Variants in CPNE8 observed in about 807,000 individuals in gnomAD.
CPNE8 encodes copine-8.
Under a neutral mutation model 81.5 loss-of-function variants are expected in CPNE8, and 45 were observed. That is an observed-to-expected ratio of 0.55 (90% CI 0.44 to 0.71). CPNE8 has a LOEUF of 0.71. Among genes scored for constraint, CPNE8 ranks in the 30% least tolerant of loss-of-function variants. CPNE8 has a pLI of 0.00. For synonymous variants in CPNE8, 252 were observed against 226.3 expected (o/e 1.11, Z -1.02); for missense variants, 594 against 672.1 (o/e 0.88, Z 1.28).
At chr12:38,797,150 T>A (rs576465644) in intron 6 of CPNE8, among the ~76,000 whole-genome samples, 283 of 152,256 alleles carry the variant, frequency 1.9e-3, no homozygotes, top group Non-Finnish European at 2.9e-3. Context: ...AGCAGTAACC[T>A]CTGCAGACGT....
chr12:38,787,184 C>A (rs1942213119), intron 6 of CPNE8, among the ~76,000 whole-genome samples: 1 of 151,984 alleles, frequency 6.6e-6, no homozygotes, highest in Non-Finnish European at 1.5e-5. Context: ...GGATCATTCT[C>A]AAGGATGGAC....
chr12:38,881,259 C>T (rs1023892894), intron 1 of CPNE8, among the ~76,000 whole-genome samples: 1 of 151,510 alleles, frequency 6.6e-6, no homozygotes, highest in Non-Finnish European at 1.5e-5. Context: ...ACTAAAAAGC[C>T]GAAGTCAGCT....
At chr12:38,842,189 C>CA (rs1204327208) in intron 4 of CPNE8, among the ~76,000 whole-genome samples, 24 of 151,872 alleles carry the variant, frequency 1.6e-4, no homozygotes, top group Admixed American at 1.4e-3. Context: ...GTTGCTAGTA[C>CA]AAAAAAATAC....
Position 38,702,872 on chromosome 12 carries a change from C to A in CPNE8, c.961+3G>T. 1 of 1,534,972 alleles carries A rather than the reference C, an allele frequency of 6.5e-7. No individual in the cohort carries two copies. Among genetic ancestry groups the A allele is most frequent in the Non-Finnish European group, 8.8e-7 (1 of 1,133,776 alleles). ...TTTATCAGGGGATAATCAAAACACT[C>A]ACCGTTTGATGCTGTAAAATCAATA... On this transcript the variant is annotated splice_donor_region_variant and intron_variant, in intron 14 of 19. Coordinates refer to ENST00000331366, the MANE Select transcript of CPNE8 (RefSeq NM_153634.3).
Position 38,842,710 on chromosome 12 carries a change from G to C in CPNE8, c.291-2755C>G, listed in dbSNP as rs532205148. 1.4e-3 allele frequency among the ~76,000 whole-genome samples: 213 copies of C among 151,418 alleles called. 1 individual carries two copies. The highest frequency in any genetic ancestry group is 4.9e-3 in the African/African-American group (201 of 41,306). On this transcript the variant is annotated intron_variant, in intron 4 of 19. Transcript: ENST00000331366. ...CCTGCCTCAGCCTCCAGAGTCACTG[G>C]GGTGACATAGGTGCCCGCCATCACA...
rs2136625608 is a variant in CPNE8, at chr12:38,653,053, TAA to T, written c.*827_*828del. The T allele has an allele frequency of 6.5e-6, 1 of 152,680 alleles. No homozygotes were observed. The highest frequency in any genetic ancestry group is 2.1e-4 in the South Asian group (1 of 4,832). The allele number at this position is 152,680 out of a possible 1,614,324, so 9.5% of individuals were successfully genotyped here. The stretch of plus-strand genomic sequence containing the variant: ...TAAATAGTCTTGGTTTCAGTCTTTC[TAA>T]ATAGCATTATTATATAAGGATGCTA... On this transcript the variant is annotated 3_prime_UTR_variant, in exon 20 of 20. Transcript: ENST00000331366.
At chr12:38,718,238 G>A (rs927323874) in intron 13 of CPNE8, among the ~76,000 whole-genome samples, 4 of 152,166 alleles carry the variant, frequency 2.6e-5, no homozygotes, top group Non-Finnish European at 5.9e-5. Context: ...GCATGCTGAA[G>A]ATGAGCAGGA....
chr12:38,830,812 A>T (rs1943274756), intron 5 of CPNE8, among the ~76,000 whole-genome samples: 1 of 152,218 alleles, frequency 6.6e-6, no homozygotes, highest in African/African-American at 2.4e-5. Flanking sequence ...ACTGAGGCAC[A>T]GAGATAGTAA....
intron 16 of CPNE8, chr12:38,679,648 A>G: frequency 1.0e-6 from 1 of 985,004 alleles, no homozygotes; most frequent in Non-Finnish European, 1.2e-6. Flanking sequence ...TAATCTTTTA[A>G]AACCAGTTGT....
intron 10 of CPNE8, among the ~76,000 whole-genome samples, chr12:38,753,257 G>A (rs1249600791): frequency 1.3e-5 from 2 of 152,020 alleles, no homozygotes; most frequent in Non-Finnish European, 2.9e-5. Context: ...TTTGAGACAA[G>A]CCTGGTCAAC....
intron 1 of CPNE8, among the ~76,000 whole-genome samples, chr12:38,895,347 C>T (rs1944375165): frequency 6.6e-6 from 1 of 152,034 alleles, no homozygotes; most frequent in African/African-American, 2.4e-5. Flanking sequence ...ATTGTAGGGC[C>T]TGAGGTCAAT....
At chr12:38,694,055 C>T (rs181715111) in intron 14 of CPNE8, among the ~76,000 whole-genome samples, 49 of 152,024 alleles carry the variant, frequency 3.2e-4, no homozygotes, top group East Asian at 1.5e-3. Context: ...CCAAAGCATA[C>T]GCAGAAGTTT....
chr12:38,746,777 G>A (rs1342860969), intron 10 of CPNE8, among the ~76,000 whole-genome samples: 1 of 152,102 alleles, frequency 6.6e-6, no homozygotes, highest in Non-Finnish European at 1.5e-5. Context: ...AGAATAAAGT[G>A]CAATTAAAAG....
chr12:38,717,429 GTATATATA>G lies in CPNE8; in HGVS notation c.914+6335_914+6342del, dbSNP rs57044387. Among the ~76,000 whole-genome samples, 496 of 87,038 alleles carry G rather than the reference GTATATATA, an allele frequency of 5.7e-3. 18 individuals carry two copies. Among genetic ancestry groups the G allele is most frequent in the South Asian group, 0.035 (69 of 1,994 alleles). 57.1% of individuals were successfully genotyped at this position (87,038 alleles called of 152,430 possible). A position where few individuals can be genotyped will look rare whatever the true frequency, so the allele number is the denominator to read the frequency against. On this transcript the variant is annotated intron_variant, in intron 13 of 19. Coordinates refer to ENST00000331366, the MANE Select transcript of CPNE8 (RefSeq NM_153634.3). ...AACAAGTAAACAAAGAAAGTGTGGT[GTATATATA>G]TATATATATATATATATATATACAC... is the stretch of plus-strand genomic sequence containing the variant.
chr12:38,816,648 TCA>T (rs1943029489), intron 6 of CPNE8, among the ~76,000 whole-genome samples: 1 of 152,156 alleles, frequency 6.6e-6, no homozygotes, highest in South Asian at 2.1e-4. Context: ...AACTAACAAT[TCA>T]CAGTTAGCCA....
At chr12:38,749,062 A>G (rs826865) in intron 10 of CPNE8, among the ~76,000 whole-genome samples, 19,919 of 152,078 alleles carry the variant, frequency 0.13, 1,595 homozygotes, top group East Asian at 0.25. Flanking sequence ...TAATTCCCAC[A>G]TGTTCTGGGA....
rs1470897642 is a variant in CPNE8 at position 38,728,003 on chromosome 12, A to G, written c.798+2280T>C. The stretch of plus-strand genomic sequence containing the variant: ...GCTGATCACGGAGCTAACCAAGCAA[A>G]GACTTCAGCAGCCCACATGACAAAG... On this transcript the variant is annotated intron_variant, in intron 11 of 19. Transcript: ENST00000331366. 4.6e-5 allele frequency among the ~76,000 whole-genome samples: 7 copies of G among 152,218 alleles called. 1 individual carries two copies. In the South Asian group the frequency reaches 1.0e-3, roughly 23 times the overall value.
intron 6 of CPNE8, among the ~76,000 whole-genome samples, chr12:38,818,612 T>C (rs1943065009): frequency 6.6e-6 from 1 of 152,222 alleles, no homozygotes; most frequent in Admixed American, 6.5e-5. Flanking sequence ...TGTGTCTTTA[T>C]AGTAGAATGA....
intron 13 of CPNE8, among the ~76,000 whole-genome samples, chr12:38,704,047 A>G (rs777731177): frequency 2.0e-5 from 3 of 152,126 alleles, no homozygotes; most frequent in Non-Finnish European, 4.4e-5. Flanking sequence ...CGAGCTAAAC[A>G]TTGGGTACTC....
Sources: allele counts gnomAD v4.1 joint callset (sites outside exome capture counted in the v4.1 genomes callset), GRCh38; gene constraint gnomAD v4.1.1; transcripts MANE v1.5; gene names NCBI Gene and HGNC (gene_info 2026-07-23, HGNC 2026-07-21).